Variants in EPB41L2 observed in about 807,000 individuals in gnomAD.
The protein encoded by EPB41L2 is erythrocyte membrane protein band 4.1 like 2, also known as band 4.1-like protein 2.
A neutral mutation model predicts 113.0 loss-of-function variants in EPB41L2; 43 were observed. The observed-to-expected ratio is 0.38, with a 90% confidence interval of 0.30 to 0.49. EPB41L2 has a LOEUF of 0.49. Among genes scored for constraint, EPB41L2 ranks in the 20% least tolerant of loss-of-function variants. EPB41L2 has a pLI of 0.95. For synonymous variants in EPB41L2, 442 were observed against 436.7 expected (o/e 1.01, Z -0.15); for missense variants, 1,147 against 1,223.4 (o/e 0.94, Z 0.93).
intron 1 of EPB41L2, among the ~76,000 whole-genome samples, chr6:130,991,341 G>C (rs887605114): frequency 6.6e-6 from 1 of 152,166 alleles, no homozygotes; most frequent in African/African-American, 2.4e-5. Context: ...AAACCAATCA[G>C]TGTAGTATAC....
At chr6:131,042,133 C>T (rs1436263151) in intron 1 of EPB41L2, among the ~76,000 whole-genome samples, 1 of 152,096 alleles carries the variant, frequency 6.6e-6, no homozygotes, top group Non-Finnish European at 1.5e-5. Context: ...ATTCATTATT[C>T]TACTCTATGT....
chr6:130,941,616 T>C (rs1810924241), intron 3 of EPB41L2, among the ~76,000 whole-genome samples: 1 of 152,226 alleles, frequency 6.6e-6, no homozygotes, highest in East Asian at 1.9e-4. Context: ...TTTGATTCAC[T>C]TGAAATTGTT....
At chr6:130,915,987 T>C (rs2128527009) in intron 4 of EPB41L2, among the ~76,000 whole-genome samples, 1 of 152,346 alleles carries the variant, frequency 6.6e-6, no homozygotes, top group South Asian at 2.1e-4. Context: ...CTAATATACA[T>C]ACCTATTACT....
chr6:130,843,032 A>G (rs1775988708), intron 19 of EPB41L2, among the ~76,000 whole-genome samples: 1 of 152,096 alleles, frequency 6.6e-6, no homozygotes, highest in South Asian at 2.1e-4. Context: ...GAGTTATTAG[A>G]TATTGTGTCA....
intron 19 of EPB41L2, among the ~76,000 whole-genome samples, chr6:130,845,527 A>G (rs1776782061): frequency 2.0e-5 from 3 of 152,034 alleles, no homozygotes; most frequent in Admixed American, 2.0e-4. Context: ...ACAGGCACAT[A>G]CCATCACACC....
intron 14 of EPB41L2, among the ~76,000 whole-genome samples, chr6:130,877,484 T>C (rs1246257439): frequency 6.6e-6 from 1 of 152,182 alleles, no homozygotes; most frequent in Non-Finnish European, 1.5e-5. Flanking sequence ...TATGTACTCA[T>C]ATCAGTGGTG....
intron 4 of EPB41L2, among the ~76,000 whole-genome samples, chr6:130,925,190 CTTTTTT>C (rs398048854): frequency 7.7e-6 from 1 of 130,420 alleles, no homozygotes; most frequent in African/African-American, 3.0e-5. Context: ...GATTTCTTTT[CTTTTTT>C]TTTTTTTTTT....
chr6:130,947,545 A>C (rs1813362148), intron 3 of EPB41L2, among the ~76,000 whole-genome samples: 1 of 152,210 alleles, frequency 6.6e-6, no homozygotes, highest in Admixed American at 6.5e-5. Flanking sequence ...TTGAGTGCTC[A>C]AAAGTTCATT....
At chr6:130,849,727 C>T (rs1360731996) in intron 19 of EPB41L2, among the ~76,000 whole-genome samples, 1 of 152,134 alleles carries the variant, frequency 6.6e-6, no homozygotes, top group African/African-American at 2.4e-5. Flanking sequence ...TCCAACTTCA[C>T]TAGCATTGAA....
At chr6:130,950,348 G>A (rs1413141729) in intron 3 of EPB41L2, among the ~76,000 whole-genome samples, 1 of 151,778 alleles carries the variant, frequency 6.6e-6, no homozygotes, top group Non-Finnish European at 1.5e-5. Flanking sequence ...ATTTTAAAAA[G>A]GCAAACGACA....
chr6:130,900,208 A>T (rs534565156), intron 7 of EPB41L2, among the ~76,000 whole-genome samples: 17 of 152,370 alleles, frequency 1.1e-4, no homozygotes, highest in Non-Finnish European at 2.1e-4. Flanking sequence ...TAAATTAATA[A>T]GAAAACATTT....
chr6:130,866,212 T>G (rs550638446), intron 16 of EPB41L2, among the ~76,000 whole-genome samples: 1 of 152,236 alleles, frequency 6.6e-6, no homozygotes, highest in Non-Finnish European at 1.5e-5. Flanking sequence ...CATACGCATG[T>G]GCTCCTACAT....
intron 4 of EPB41L2, among the ~76,000 whole-genome samples, chr6:130,916,302 T>G (rs1475727223): frequency 6.6e-6 from 1 of 152,222 alleles, no homozygotes; most frequent in Non-Finnish European, 1.5e-5. Context: ...TACTCTTTAT[T>G]TGCCACAAAT....
intron 1 of EPB41L2, among the ~76,000 whole-genome samples, chr6:130,991,806 AAGG>A (rs1781935317): frequency 6.6e-6 from 1 of 152,228 alleles, no homozygotes; most frequent in Admixed American, 6.5e-5. Flanking sequence ...TCCTCTTCAG[AAGG>A]AGATTTGGTC....
chr6:130,988,645 T>C lies in EPB41L2; in HGVS notation c.-14-32146A>G, dbSNP rs552712249. Among the ~76,000 whole-genome samples, 48 of 152,264 alleles carry C rather than the reference T, an allele frequency of 3.2e-4. 1 individual carries two copies. Among genetic ancestry groups the C allele is most frequent in the Admixed American group, 3.1e-3 (47 of 15,296 alleles). On this transcript the variant is annotated intron_variant, in intron 1 of 19. Coordinates refer to ENST00000337057, the MANE Select transcript of EPB41L2 (RefSeq NM_001431.4). ...ATCAAGGTGCTCTAAGAACTAAACA[T>C]GGTAGACCAAGTCTACCTTCTTAAG...
chr6:131,026,831 T>G (rs1790970766), intron 1 of EPB41L2, among the ~76,000 whole-genome samples: 1 of 152,198 alleles, frequency 6.6e-6, no homozygotes, highest in Admixed American at 6.5e-5. Flanking sequence ...CTACGGTATG[T>G]GCAAGATGGC....
intron 14 of EPB41L2, among the ~76,000 whole-genome samples, chr6:130,875,354 A>G (rs181712892): frequency 3.4e-4 from 52 of 152,214 alleles, no homozygotes; most frequent in Non-Finnish European, 2.8e-4. Flanking sequence ...AAACTCTCCA[A>G]TGCTTTCCCA....
At chr6:131,036,148 G>T (rs188636320) in intron 1 of EPB41L2, among the ~76,000 whole-genome samples, 1 of 152,296 alleles carries the variant, frequency 6.6e-6, no homozygotes, top group East Asian at 1.9e-4. Flanking sequence ...TAATCTTCCA[G>T]AGCTAACATT....
At chr6:130,976,230 G>T (rs1778162850) in intron 1 of EPB41L2, among the ~76,000 whole-genome samples, 1 of 152,042 alleles carries the variant, frequency 6.6e-6, no homozygotes, top group Non-Finnish European at 1.5e-5. Flanking sequence ...ACATTTCATA[G>T]GATCATTGAT....
Sources: allele counts gnomAD v4.1 joint callset (sites outside exome capture counted in the v4.1 genomes callset), GRCh38; gene constraint gnomAD v4.1.1; transcripts MANE v1.5; gene names NCBI Gene and HGNC (gene_info 2026-07-23, HGNC 2026-07-21).